SLC71A1: variants seen among roughly 807,000 people sequenced by gnomAD.
SLC71A1 encodes the protein solute carrier family 71 member 1.
chr1:100,041,797 G>T, the SLC71A1 span, among the ~76,000 whole-genome samples: 1 of 152,034 alleles, frequency 6.6e-6, no homozygotes, highest in Non-Finnish European at 1.5e-5. Context: ...GGTGGTATGT[G>T]CCTGTAATCC....
the SLC71A1 span, among the ~76,000 whole-genome samples, chr1:100,038,541 C>A: frequency 6.6e-6 from 1 of 152,166 alleles, no homozygotes; most frequent in Non-Finnish European, 1.5e-5. Flanking sequence ...TTCTTTCCCG[C>A]ACCTGCCGCC....
chr1:100,052,424 C>CTTTTTTTTT, the SLC71A1 span, among the ~76,000 whole-genome samples: 1 of 119,654 alleles, frequency 8.4e-6, no homozygotes, highest in Non-Finnish European at 1.7e-5. Flanking sequence ...TAATATATTC[C>CTTTTTTTTT]TTTTTTTTTT....
chr1:100,056,618 C>T, the SLC71A1 span, among the ~76,000 whole-genome samples: 1 of 151,746 alleles, frequency 6.6e-6, no homozygotes, highest in African/African-American at 2.4e-5. Flanking sequence ...CTCAAACAAA[C>T]AAAAAAAGGA....
At chr1:100,078,439 C>G in the SLC71A1 span, 5 of 1,569,240 alleles carry the variant, frequency 3.2e-6, no homozygotes, top group South Asian at 1.1e-5. Context: ...TGTTTTGCTG[C>G]TCTCCTTATA....
the SLC71A1 span, among the ~76,000 whole-genome samples, chr1:100,047,744 C>T: frequency 6.6e-6 from 1 of 152,124 alleles, no homozygotes; most frequent in South Asian, 2.1e-4. Flanking sequence ...TTTTTAAGAC[C>T]TCCTTCCTGA....
chr1:100,041,548 A>G, the SLC71A1 span, among the ~76,000 whole-genome samples: 10 of 152,224 alleles, frequency 6.6e-5, no homozygotes, highest in Non-Finnish European at 1.2e-4. Context: ...TATTCAGTAA[A>G]TATTTAATCA....
At chr1:100,078,142 C>A in the SLC71A1 span, among the ~76,000 whole-genome samples, 21 of 152,172 alleles carry the variant, frequency 1.4e-4, no homozygotes, top group Non-Finnish European at 2.8e-4. Flanking sequence ...GTTTCGTCAT[C>A]TATATTATAC....
At chr1:100,062,914 T>TAAAA in the SLC71A1 span, among the ~76,000 whole-genome samples, 2 of 116,156 alleles carry the variant, frequency 1.7e-5, no homozygotes, top group African/African-American at 3.3e-5. Flanking sequence ...TGTCTCTATT[T>TAAAA]AAAAAAAAAA....
chr1:100,056,821 G>T, the SLC71A1 span, among the ~76,000 whole-genome samples: 1 of 152,104 alleles, frequency 6.6e-6, no homozygotes, highest in Non-Finnish European at 1.5e-5. Context: ...GTGTATGAGT[G>T]TTCCCTTTTC....
the SLC71A1 span, among the ~76,000 whole-genome samples, chr1:100,070,774 A>C: frequency 6.6e-6 from 1 of 152,070 alleles, no homozygotes; most frequent in East Asian, 1.9e-4. Context: ...CACTATGAAG[A>C]CAATCTAGTC....
the SLC71A1 span, chr1:100,081,970 T>C: frequency 6.6e-7 from 1 of 1,524,498 alleles, no homozygotes; most frequent in South Asian, 1.1e-5. Context: ...AAAGTATTTG[T>C]GTAAAAATCC....
At chr1:100,080,926 C>T in the SLC71A1 span, among the ~76,000 whole-genome samples, 2 of 152,192 alleles carry the variant, frequency 1.3e-5, no homozygotes, top group African/African-American at 4.8e-5. Context: ...TACTACTAGT[C>T]TCTTTTGAAA....
At chr1:100,054,208 A>T in the SLC71A1 span, among the ~76,000 whole-genome samples, 19 of 146,062 alleles carry the variant, frequency 1.3e-4, no homozygotes, top group East Asian at 1.2e-3. Flanking sequence ...CGCCCAGCTA[A>T]TTTTTTTTTT....
the SLC71A1 span, chr1:100,049,925 C>T: frequency 1.9e-6 from 3 of 1,600,244 alleles, no homozygotes; most frequent in Non-Finnish European, 2.6e-6. Context: ...GGAATAGGTT[C>T]TCCTAGTGTC....
the SLC71A1 span, among the ~76,000 whole-genome samples, chr1:100,054,231 TGAGACA>T: frequency 4.0e-4 from 61 of 151,752 alleles, no homozygotes; most frequent in Non-Finnish European, 7.8e-4. Context: ...TTATTTTTTT[TGAGACA>T]GAGTTTCACT....
the SLC71A1 span, among the ~76,000 whole-genome samples, chr1:100,081,022 C>A: frequency 3.3e-5 from 5 of 152,188 alleles, no homozygotes; most frequent in African/African-American, 4.8e-5. Context: ...TCACTGTTTG[C>A]TATATTTCCC....
the SLC71A1 span, chr1:100,038,173 C>A: frequency 6.9e-7 from 1 of 1,450,274 alleles, no homozygotes; most frequent in Non-Finnish European, 9.5e-7. Flanking sequence ...ACGGCACTAG[C>A]TGCTGGGGCC....
At chr1:100,045,243 T>G in the SLC71A1 span, among the ~76,000 whole-genome samples, 1 of 152,220 alleles carries the variant, frequency 6.6e-6, no homozygotes, top group African/African-American at 2.4e-5. Context: ...CTAGGTGTTT[T>G]GTTTTTTTTG....
chr1:100,076,635 C>T, the SLC71A1 span, among the ~76,000 whole-genome samples: 1 of 152,188 alleles, frequency 6.6e-6, no homozygotes, highest in Non-Finnish European at 1.5e-5. Flanking sequence ...ATGATCCAGG[C>T]TGTTTTTCTA....
Sources: gnomAD v4.1 joint callset for allele counts (sites outside exome capture counted in the v4.1 genomes callset) on GRCh38, gnomAD v4.1.1 for gene constraint, MANE v1.5 for transcripts, NCBI Gene and HGNC (gene_info 2026-07-23, HGNC 2026-07-21) for gene names.